The following LMTK2 variants were observed in gnomAD, a reference collection of about 807,000 sequenced individuals.
LMTK2 encodes the protein lemur tail kinase 2, also known as serine/threonine-protein kinase LMTK2.
A neutral mutation model predicts 127.5 loss-of-function variants in LMTK2; 37 were observed. The ratio of observed to expected loss-of-function variants is 0.29; its 90% CI spans 0.22 to 0.38. LMTK2 has a LOEUF of 0.38. Ranked by LOEUF, LMTK2 falls within the 10% of genes least tolerant of loss-of-function variation. LMTK2 has a pLI of 1.00. For synonymous variants in LMTK2, 819 were observed against 810.1 expected, an observed-to-expected ratio of 1.01 and a Z score of -0.19; for missense variants, 1,694 against 1,920.3, an observed-to-expected ratio of 0.88 and a Z score of 2.20.
At chr7:98,163,264 G>A (rs11762771) in intron 6 of LMTK2, among the ~76,000 whole-genome samples, 33,080 of 151,990 alleles carry the variant, frequency 0.22, 3,776 homozygotes, top group South Asian at 0.38. Context: ...GTTAGACGTG[G>A]TTACAATGCC....
chr7:98,205,442 T>A, intron 13 of LMTK2, 22 bp from the exon 14 acceptor site: 2 of 1,613,742 alleles, frequency 1.2e-6, no homozygotes, highest in Non-Finnish European at 1.7e-6. Flanking sequence ...CTTTGTCGTC[T>A]CGCTTCCTCT....
chr7:98,173,174 C>T (rs768532287), intron 7 of LMTK2, among the ~76,000 whole-genome samples: 44 of 152,142 alleles, frequency 2.9e-4, no homozygotes, highest in Non-Finnish European at 5.7e-4. Flanking sequence ...CTTAAACAGG[C>T]GTGGAAAAGT....
intron 1 of LMTK2, among the ~76,000 whole-genome samples, chr7:98,130,517 C>T (rs532072678): frequency 3.3e-5 from 5 of 152,188 alleles, no homozygotes; most frequent in Admixed American, 1.3e-4. Flanking sequence ...TAAATTCATA[C>T]GTGGAAACCC....
chr7:98,166,054 G>A (rs1434543550), intron 6 of LMTK2, among the ~76,000 whole-genome samples: 1 of 152,208 alleles, frequency 6.6e-6, no homozygotes, highest in African/African-American at 2.4e-5. Flanking sequence ...CCCTCCCCAC[G>A]CCTGGCTGCA....
Position 98,171,524 on chromosome 7 carries a change from C to T in LMTK2, c.658-17C>T, listed in dbSNP as rs998807409. ...CCTGTGGCTCGTTTGGAAACTCACA[C>T]GGGCTGACTTTTGCAGGGTGACCTG... On this transcript the variant is annotated splice_polypyrimidine_tract_variant and intron_variant, in intron 6 of 13. Coordinates refer to ENST00000297293, the MANE Select transcript of LMTK2 (RefSeq NM_014916.4). The surrounding 1 kb of genome is among the most constrained non-coding windows in gnomAD (Gnocchi z 5.1). 30 of 1,613,800 alleles carry T rather than the reference C, an allele frequency of 1.9e-5. No individual in the cohort carries two copies. Among genetic ancestry groups the T allele is most frequent in the Middle Eastern group, 1.7e-4 (1 of 6,054 alleles).
At chr7:98,202,503 A>G (rs149588536) in intron 11 of LMTK2, among the ~76,000 whole-genome samples, 2 of 152,276 alleles carry the variant, frequency 1.3e-5, no homozygotes, top group Non-Finnish European at 1.5e-5. Flanking sequence ...GGATCCTCCT[A>G]TCATGTTAGG....
intron 2 of LMTK2, among the ~76,000 whole-genome samples, chr7:98,140,221 C>A (rs1398968381): frequency 6.7e-6 from 1 of 149,016 alleles, no homozygotes; most frequent in Admixed American, 6.7e-5. Context: ...GCTCTATCAC[C>A]CAGCCTTGAC....
In LMTK2 at chr7:98,189,044, A is replaced by G. The variant is rs539407789; in HGVS notation, c.999-1684A>G. Among the ~76,000 whole-genome samples, 54 of 152,020 alleles carry G rather than the reference A, an allele frequency of 3.6e-4. 2 individuals are homozygous for G. In the South Asian group the frequency reaches 0.011, roughly 30 times the overall value. Reference sequence around the variant, plus strand: ...CCCTCTGACTGGGTGATTTCAAACAACCTTTCTTCAAGTTGAGAGGTTCTT... The same window carrying G: ...CCCTCTGACTGGGTGATTTCAAACAGCCTTTCTTCAAGTTGAGAGGTTCTT... On this transcript the variant is annotated intron_variant, in intron 9 of 13. Transcript: ENST00000297293.
Position 98,204,187 on chromosome 7 carries a change from G to A in LMTK2, c.4483+1G>A. 1 of 1,605,082 alleles carries A rather than the reference G, an allele frequency of 6.2e-7. No individual in the cohort carries two copies. The highest frequency in any genetic ancestry group is 1.1e-5 in the South Asian group (1 of 91,064). On this transcript the variant is annotated splice_donor_variant, in intron 13 of 13. Transcript: ENST00000297293. LOFTEE classifies it high-confidence loss of function. ...ACCGACTCGGACATCGAGCAGGGCG[G>A]TGAGAGGCGCTGCGTGCTGGGGATT...
intron 1 of LMTK2, among the ~76,000 whole-genome samples, chr7:98,122,916 C>G (rs1159288759): frequency 6.6e-6 from 1 of 152,010 alleles, no homozygotes; most frequent in African/African-American, 2.4e-5. Flanking sequence ...CCTATCAGCT[C>G]TGTTTCTTTG....
At chr7:98,149,338 G>T (rs545522473) in intron 3 of LMTK2, among the ~76,000 whole-genome samples, 2 of 152,202 alleles carry the variant, frequency 1.3e-5, no homozygotes, top group Admixed American at 1.3e-4. Context: ...TGTCTCAGTG[G>T]ACTTTCTCCT....
At chr7:98,150,239 C>T (rs1220819012) in intron 3 of LMTK2, among the ~76,000 whole-genome samples, 2 of 148,476 alleles carry the variant, frequency 1.3e-5, no homozygotes, top group African/African-American at 5.0e-5. Flanking sequence ...ACCCGGGAGG[C>T]GTAGGTTGCA....
intron 1 of LMTK2, chr7:98,126,705 T>G: frequency 6.6e-6 from 1 of 152,206 alleles, no homozygotes; most frequent in Non-Finnish European, 1.5e-5. Context: ...CAAATTTTAG[T>G]GGAATAGTCT....
chr7:98,176,458 CA>C (rs2116434008), intron 7 of LMTK2, among the ~76,000 whole-genome samples: 1 of 152,162 alleles, frequency 6.6e-6, no homozygotes, highest in African/African-American at 2.4e-5. Context: ...TACCTTCCAA[CA>C]TTTCTTTGGA....
At chr7:98,182,917 T>C (rs1019726232) in intron 7 of LMTK2, among the ~76,000 whole-genome samples, 4 of 152,322 alleles carry the variant, frequency 2.6e-5, no homozygotes, top group African/African-American at 7.2e-5. Context: ...GTTCAGGACA[T>C]GATGGGGAGG....
intron 5 of LMTK2, among the ~76,000 whole-genome samples, chr7:98,157,440 T>C (rs556292402): frequency 2.6e-5 from 4 of 152,200 alleles, no homozygotes; most frequent in African/African-American, 9.6e-5. Flanking sequence ...AAATTAACCG[T>C]CACATCATAC....
In LMTK2 at chr7:98,193,645, C is replaced by T. The variant is rs746162828; in HGVS notation, c.3180C>T (p.Gly1060=). The change falls in exon 11 of 14, where the codon GGC becomes GGT. Residue 1060 remains glycine, a synonymous_variant. Transcript: ENST00000297293. The surrounding 1 kb of genome is among the most constrained non-coding windows in gnomAD (Gnocchi z 4.1). Reference sequence around the variant, plus strand: ...CAGACTCAGAACCAGCCACCACGGGCGATGGCGGCCACAGCGGTCTGCCTC... The same window carrying T: ...CAGACTCAGAACCAGCCACCACGGGTGATGGCGGCCACAGCGGTCTGCCTC... ...GTADSEPATT[G]DGGHSGLPPN... is the part of the protein sequence containing the mutation. 29 of 1,613,926 alleles carry T rather than the reference C, an allele frequency of 1.8e-5. No individual in the cohort carries two copies. Among genetic ancestry groups the T allele is most frequent in the East Asian group, 8.9e-5 (4 of 44,872 alleles).
intron 6 of LMTK2, among the ~76,000 whole-genome samples, chr7:98,170,901 CT>C (rs1186152670): frequency 6.6e-6 from 1 of 152,094 alleles, no homozygotes; most frequent in Admixed American, 6.5e-5. Flanking sequence ...GTTTATTTTC[CT>C]GCTCAGGTTG....
intron 2 of LMTK2, among the ~76,000 whole-genome samples, chr7:98,138,397 C>T (rs893008662): frequency 1.3e-5 from 2 of 152,166 alleles, no homozygotes; most frequent in Non-Finnish European, 2.9e-5. Flanking sequence ...CTTCTAGTAG[C>T]GCTGAGGAGA....
Sources: gnomAD v4.1 joint callset for allele counts (sites outside exome capture counted in the v4.1 genomes callset) on GRCh38, gnomAD v4.1.1 for gene constraint, Gnocchi (gnomAD v3.1) non-coding constraint, MANE v1.5 for transcripts, NCBI Gene and HGNC (gene_info 2026-07-23, HGNC 2026-07-21) for gene names.